SGK3: variants seen among roughly 807,000 people sequenced by gnomAD.
SGK3 encodes the protein serine/threonine-protein kinase Sgk3.
In SGK3, 47 loss-of-function variants were observed where a neutral mutation model predicts 68.5. The observed-to-expected ratio is 0.69, with a 90% CI of 0.54 to 0.87. The LOEUF (loss-of-function observed/expected upper bound fraction) is 0.87, where lower values mean the gene tolerates loss of function less well. Ranked by LOEUF, SGK3 falls within the 40% of genes least tolerant of loss-of-function variation. SGK3 has a pLI of 0.00. For missense variants in SGK3, 479 were observed against 575.5 expected (o/e 0.83, Z 1.72); for synonymous variants, 181 against 189.1 (o/e 0.96, Z 0.35).
At chr8:66,767,588 G>C (rs780409914) in intron 1 of SGK3, 1 of 1,387,194 alleles carries the variant, frequency 7.2e-7, no homozygotes, top group Non-Finnish European at 1.0e-6. Context: ...TCACTCAAGG[G>C]GAGATGTGCA....
At chr8:66,784,419 T>C (rs969765408) in intron 1 of SGK3, among the ~76,000 whole-genome samples, 29 of 152,142 alleles carry the variant, frequency 1.9e-4, no homozygotes, top group African/African-American at 6.5e-4. Context: ...CCCTCCCTGC[T>C]GTATTGGGTA....
intron 10 of SGK3, 21 bp from the exon 11 acceptor site, chr8:66,839,981 AC>A (rs773912372): frequency 6.4e-7 from 1 of 1,559,946 alleles, no homozygotes. Flanking sequence ...CTCTCCCCCC[AC>A]CCCCACAACC....
At chr8:66,811,786 C>T (rs1370807511) in intron 4 of SGK3, among the ~76,000 whole-genome samples, 1 of 152,186 alleles carries the variant, frequency 6.6e-6, no homozygotes, top group African/African-American at 2.4e-5. Context: ...CTTTGAATAT[C>T]CTAAATGTAG....
chr8:66,757,989 GTATA>G (rs1204811354), intron 1 of SGK3, among the ~76,000 whole-genome samples: 1 of 128,486 alleles, frequency 7.8e-6, no homozygotes, highest in Non-Finnish European at 1.6e-5. Flanking sequence ...CACACTATAT[GTATA>G]TATATACACA....
chr8:66,778,777 G>T (rs895036585), intron 1 of SGK3, among the ~76,000 whole-genome samples: 1 of 152,198 alleles, frequency 6.6e-6, no homozygotes, highest in African/African-American at 2.4e-5. Flanking sequence ...TTATAGAGGG[G>T]AGTGGGTGTA....
intron 10 of SGK3, among the ~76,000 whole-genome samples, chr8:66,837,277 A>G (rs138035609): frequency 5.9e-5 from 9 of 152,294 alleles, no homozygotes; most frequent in African/African-American, 2.2e-4. Flanking sequence ...TTTTTAACTA[A>G]TAGGTATTGT....
intron 1 of SGK3, among the ~76,000 whole-genome samples, chr8:66,724,301 A>G (rs1255228203): frequency 1.3e-5 from 2 of 152,186 alleles, no homozygotes; most frequent in South Asian, 4.1e-4. Context: ...TTAAAAGTCC[A>G]CTAAGGCTGG....
chr8:66,811,709 T>G (rs147987969), intron 4 of SGK3, among the ~76,000 whole-genome samples: 1 of 152,316 alleles, frequency 6.6e-6, no homozygotes, highest in East Asian at 1.9e-4. Flanking sequence ...CCTTCAAAAG[T>G]AAAATATATC....
chr8:66,761,017 C>CA (rs763544342), intron 1 of SGK3, among the ~76,000 whole-genome samples: 6,359 of 79,222 alleles, frequency 0.08, 196 homozygotes, highest in Middle Eastern at 0.12. Flanking sequence ...AACTCTGTCT[C>CA]AAAAAAAAAA....
chr8:66,752,381 GC>G (rs1252014185), intron 1 of SGK3, among the ~76,000 whole-genome samples: 4 of 152,136 alleles, frequency 2.6e-5, no homozygotes, highest in Non-Finnish European at 4.4e-5. Context: ...CACCTACAGG[GC>G]AGATATTATG....
chr8:66,789,379 G>C (rs901252417), intron 1 of SGK3, among the ~76,000 whole-genome samples: 1 of 152,192 alleles, frequency 6.6e-6, no homozygotes, highest in Non-Finnish European at 1.5e-5. Flanking sequence ...AGTAGGAAAA[G>C]GGGAGACAGT....
At chr8:66,796,410 C>T (rs568377940) in intron 2 of SGK3, among the ~76,000 whole-genome samples, 1 of 148,776 alleles carries the variant, frequency 6.7e-6, no homozygotes, top group East Asian at 2.0e-4. Context: ...CGTGATCCGC[C>T]CACCTCGGCC....
intron 1 of SGK3, among the ~76,000 whole-genome samples, chr8:66,769,453 A>T (rs1806431996): frequency 6.6e-6 from 1 of 152,134 alleles, no homozygotes; most frequent in African/African-American, 2.4e-5. Context: ...TGAACTCCAG[A>T]CCTCAAATGA....
At chr8:66,743,599 G>T (rs1482099499) in intron 1 of SGK3, among the ~76,000 whole-genome samples, 1 of 152,240 alleles carries the variant, frequency 6.6e-6, no homozygotes, top group African/African-American at 2.4e-5. Context: ...TCAGCTCACT[G>T]CAACTTCTGC....
At chr8:66,782,326 C>CT (rs777169731) in intron 1 of SGK3, among the ~76,000 whole-genome samples, 3,935 of 143,850 alleles carry the variant, frequency 0.027, 76 homozygotes, top group Middle Eastern at 0.043. Context: ...ATGTGTATGG[C>CT]TTTTTTTTTT....
intron 6 of SGK3, 115 bp downstream of exon 6, chr8:66,822,574 T>C: frequency 1.1e-6 from 1 of 928,844 alleles, no homozygotes; most frequent in Non-Finnish European, 1.6e-6. Context: ...GAGTTTCTAC[T>C]ATGTAGAACA....
chr8:66,828,614 C>G, intron 6 of SGK3, 40 bp from the exon 7 acceptor site: 1 of 1,611,074 alleles, frequency 6.2e-7, no homozygotes, highest in Non-Finnish European at 8.5e-7. Flanking sequence ...ATTTTTGAAG[C>G]TCCAATAAGA....
At chr8:66,748,428 G>A (rs529232875) in intron 1 of SGK3, among the ~76,000 whole-genome samples, 1 of 152,280 alleles carries the variant, frequency 6.6e-6, no homozygotes, top group East Asian at 1.9e-4. Flanking sequence ...AGCTACTCGA[G>A]TTTTGGGTAT....
At chr8:66,847,382 T>C (rs200748235) in intron 15 of SGK3, 34 bp downstream of exon 15, 102 of 1,601,058 alleles carry the variant, frequency 6.4e-5, no homozygotes, top group Middle Eastern at 5.0e-4. Context: ...CAGCTTTATT[T>C]AAGCTTATTT....
Sources: allele counts gnomAD v4.1 joint callset (sites outside exome capture counted in the v4.1 genomes callset), GRCh38; gene constraint gnomAD v4.1.1; transcripts MANE v1.5; gene names NCBI Gene and HGNC (gene_info 2026-07-23, HGNC 2026-07-21).